The following CYP2C18 variants were observed in gnomAD, a reference collection of about 807,000 sequenced individuals.
CYP2C18 encodes the protein cytochrome P450 family 2 subfamily C member 18.
In CYP2C18, 38 loss-of-function variants were observed where a neutral mutation model predicts 41.3. That is an observed-to-expected ratio of 0.92 (90% confidence interval 0.71 to 1.21). The LOEUF (loss-of-function observed/expected upper bound fraction) is 1.21. CYP2C18 is among the 50% of genes most tolerant of loss of function. The pLI is 0.00. For missense variants in CYP2C18, 635 were observed against 591.4 expected (o/e 1.07, Z -0.77); for synonymous variants, 236 against 210.0 (o/e 1.12, Z -1.07).
intron 5 of CYP2C18, among the ~76,000 whole-genome samples, chr10:94,719,990 G>T (rs1008120576): frequency 2.6e-5 from 4 of 152,080 alleles, no homozygotes; most frequent in Non-Finnish European, 5.9e-5. Flanking sequence ...GGGATTACAG[G>T]CATGAGCCAC....
intron 3 of CYP2C18, among the ~76,000 whole-genome samples, chr10:94,691,328 C>G (rs1162582312): frequency 6.6e-6 from 1 of 152,200 alleles, no homozygotes; most frequent in African/African-American, 2.4e-5. Context: ...AGTAAAGTCT[C>G]AGGATACAAA....
rs1259875167 is a variant in CYP2C18 at position 94,687,839 on chromosome 10, T to C, written c.238T>C (p.Tyr80His). ...GAAGCCCATTGTGGTGTTGCATGGA[T>C]ATGAAGCAGTGAAGGAGGCCCTGAT... ...GLKPIVVLHG[Y>H]EAVKEALIDH... The change falls in exon 2 of 9, where the codon TAT becomes CAT. Residue 80 changes from tyrosine (Y) to histidine (H), a missense_variant. Physicochemically the swap from Tyr to His is moderately conservative, Grantham distance 83 (BLOSUM62 2). Transcript: ENST00000285979. 6.2e-7 allele frequency: 1 copy of C among 1,613,844 alleles called. No individual in the cohort carries two copies. Among genetic ancestry groups the C allele is most frequent in the South Asian group, 1.1e-5 (1 of 91,080 alleles).
chr10:94,683,897 A>G lies in CYP2C18; in HGVS notation c.78A>G (p.Arg26=), dbSNP rs1846833299. 1.2e-6 allele frequency: 2 copies of G among 1,611,740 alleles called. No homozygotes were observed. The highest frequency in any genetic ancestry group is 1.7e-6 in the Non-Finnish European group (2 of 1,178,950). ...LLSLWRQSSG[R]GRLPSGPTPL... ...CACTCTGGAGGCAGAGCTCTGGAAG[A>G]GGGAGGCTCCCGTCTGGCCCCACTC... The change falls in exon 1 of 9, where the codon AGA becomes AGG. Residue 26 remains arginine, a synonymous_variant. Transcript: ENST00000285979.
rs113927077 is a variant in CYP2C18 at position 94,685,024 on chromosome 10, T to TTTAA, written c.168+1063_168+1066dup. ...AATGTCTACTCAAATCCTTTGCCCA[T>TTTAA]TTAATTAATTAATTAATTAATTAAT... On this transcript the variant is annotated intron_variant, in intron 1 of 8. Coordinates refer to ENST00000285979, the MANE Select transcript of CYP2C18 (RefSeq NM_000772.3). 8.1e-3 allele frequency among the ~76,000 whole-genome samples: 1,214 copies of TTTAA among 149,570 alleles called. 8 individuals carry two copies. Among genetic ancestry groups the TTTAA allele is most frequent in the African/African-American group, 0.017 (665 of 40,012 alleles).
chr10:94,697,625 T>C (rs1394983147), intron 4 of CYP2C18, among the ~76,000 whole-genome samples: 4 of 152,128 alleles, frequency 2.6e-5, no homozygotes, highest in Non-Finnish European at 5.9e-5. Flanking sequence ...AATTCACACA[T>C]AACAATATTA....
chr10:94,699,206 T>A (rs1024450741), intron 4 of CYP2C18, among the ~76,000 whole-genome samples: 2 of 152,196 alleles, frequency 1.3e-5, no homozygotes, highest in Non-Finnish European at 2.9e-5. Flanking sequence ...ATATCCCTGA[T>A]GAACATCGAT....
At chr10:94,706,052 G>A (rs946700257) in intron 4 of CYP2C18, among the ~76,000 whole-genome samples, 1 of 152,154 alleles carries the variant, frequency 6.6e-6, no homozygotes, top group Non-Finnish European at 1.5e-5. Flanking sequence ...GGAGGTTTTG[G>A]AGAACAGATG....
intron 8 of CYP2C18, chr10:94,733,643 T>A (rs1164373217): frequency 2.1e-6 from 2 of 972,672 alleles, no homozygotes; most frequent in Non-Finnish European, 1.2e-6. Flanking sequence ...GTTGATCCAG[T>A]TTTTCAAACT....
intron 1 of CYP2C18, among the ~76,000 whole-genome samples, chr10:94,685,676 C>T (rs1353180236): frequency 6.6e-6 from 1 of 152,142 alleles, no homozygotes; most frequent in African/African-American, 2.4e-5. Context: ...ATGTTCTTGG[C>T]ACCTTTGTCA....
chr10:94,718,484 T>C (rs560658509), intron 5 of CYP2C18, among the ~76,000 whole-genome samples: 2 of 152,176 alleles, frequency 1.3e-5, no homozygotes, highest in Non-Finnish European at 2.9e-5. Flanking sequence ...CTATGTTGAA[T>C]TGAAGTACTG....
At chr10:94,695,779 C>T (rs1392527006) in intron 4 of CYP2C18, among the ~76,000 whole-genome samples, 2 of 152,134 alleles carry the variant, frequency 1.3e-5, no homozygotes, top group African/African-American at 4.8e-5. Flanking sequence ...GGGTCACTCC[C>T]ACCCTAATAT....
intron 4 of CYP2C18, among the ~76,000 whole-genome samples, chr10:94,699,910 C>T (rs750514078): frequency 6.6e-6 from 1 of 152,106 alleles, no homozygotes; most frequent in Non-Finnish European, 1.5e-5. Flanking sequence ...CCTAGGAATC[C>T]AACTTCCAAG....
At chr10:94,714,620 C>T (rs1462068847) in intron 5 of CYP2C18, among the ~76,000 whole-genome samples, 3 of 152,138 alleles carry the variant, frequency 2.0e-5, no homozygotes, top group African/African-American at 7.2e-5. Flanking sequence ...ATGATGCCTC[C>T]AGCTTTGTTC....
chr10:94,711,117 C>G (rs1847428473), intron 5 of CYP2C18, among the ~76,000 whole-genome samples: 1 of 152,128 alleles, frequency 6.6e-6, no homozygotes. Context: ...GTCCCTTGTC[C>G]TAAGCATCTC....
intron 5 of CYP2C18, among the ~76,000 whole-genome samples, chr10:94,716,804 G>T (rs372006547): frequency 1.3e-5 from 2 of 152,222 alleles, no homozygotes; most frequent in East Asian, 3.9e-4. Flanking sequence ...CATTATTGTT[G>T]TGTAGGAGTC....
At chr10:94,723,923 T>C (rs1564647798) in intron 6 of CYP2C18, among the ~76,000 whole-genome samples, 1 of 152,274 alleles carries the variant, frequency 6.6e-6, no homozygotes, top group South Asian at 2.1e-4. Context: ...AATAAACATA[T>C]GCACACAATA....
chr10:94,700,126 A>C (rs924161569), intron 4 of CYP2C18, among the ~76,000 whole-genome samples: 2 of 152,204 alleles, frequency 1.3e-5, no homozygotes, highest in African/African-American at 2.4e-5. Flanking sequence ...GGAAAAAACT[A>C]CTTTAAAGTT....
Position 94,700,902 on chromosome 10 carries a change from A to T in CYP2C18, c.642+5825A>T, listed in dbSNP as rs191731964. On this transcript the variant is annotated intron_variant, in intron 4 of 8. Coordinates refer to ENST00000285979, the MANE Select transcript of CYP2C18 (RefSeq NM_000772.3). ...CATCACTGGCCATCAGAGAAATGCAAATCAAACCACAATGAGATACCATCT... is the reference window on the plus strand; with the variant it reads ...CATCACTGGCCATCAGAGAAATGCATATCAAACCACAATGAGATACCATCT... Among the ~76,000 whole-genome samples the T allele has an allele frequency of 1.6e-3, 237 of 152,354 alleles. 1 individual carries two copies. The highest frequency in any genetic ancestry group is 2.7e-3 in the Non-Finnish European group (187 of 68,026).
chr10:94,701,417 A>G (rs1203409088), intron 4 of CYP2C18, among the ~76,000 whole-genome samples: 1 of 152,100 alleles, frequency 6.6e-6, no homozygotes, highest in South Asian at 2.1e-4. Flanking sequence ...GGAATTGAAC[A>G]GTGAGAACAC....
Sources: gnomAD v4.1 joint callset for allele counts (sites outside exome capture counted in the v4.1 genomes callset) on GRCh38, gnomAD v4.1.1 for gene constraint, MANE v1.5 for transcripts, NCBI Gene and HGNC (gene_info 2026-07-23, HGNC 2026-07-21) for gene names.